The following CDH5 variants were observed in gnomAD, a reference collection of about 807,000 sequenced individuals.
CDH5 encodes the protein cadherin 5, also known as cadherin-5.
CDH5 carries 28 observed loss-of-function variants against 62.0 expected under a neutral mutation model. The observed-to-expected ratio is 0.45, with a 90% CI of 0.33 to 0.62. The LOEUF is 0.62. CDH5 is among the 20% of genes least tolerant of loss of function. The pLI is 0.02. For synonymous variants in CDH5, 464 were observed against 445.8 expected (o/e 1.04, Z -0.52); for missense variants, 940 against 1,065.1 (o/e 0.88, Z 1.63).
intron 11 of CDH5, 72 bp downstream of exon 11, chr16:66,401,088 G>T: frequency 1.3e-6 from 2 of 1,598,044 alleles, no homozygotes; most frequent in Non-Finnish European, 1.7e-6. Context: ...AGGCGGGGAG[G>T]CTTCACAGGA....
At chr16:66,395,921 C>T in intron 7 of CDH5, 138 bp from the exon 8 acceptor site, 1 of 764,850 alleles carries the variant, frequency 1.3e-6, no homozygotes, top group Non-Finnish European at 2.1e-6. Context: ...GTCTGAGTGG[C>T]AGAGTGCAAT....
At chr16:66,402,453 T>C (rs1301347623) in intron 11 of CDH5, among the ~76,000 whole-genome samples, 199 bp from the exon 12 acceptor site, 1 of 74,732 alleles carries the variant, frequency 1.3e-5, no homozygotes, top group African/African-American at 5.5e-5. Flanking sequence ...GGGATGGGGG[T>C]ATGGGGGAAC....
chr16:66,392,134 A>G lies in CDH5; in HGVS notation c.970-2A>G. The G allele has an allele frequency of 1.9e-6, 3 of 1,614,016 alleles. No individual in the cohort carries two copies. Among genetic ancestry groups the G allele is most frequent in the Non-Finnish European group, 2.5e-6 (3 of 1,179,970 alleles). Reference sequence around the variant, plus strand: ...CACTCACCATCCTTTTTCCTTACGCAGCCTCTGGATTATGAATACATCCAG... The same window carrying G: ...CACTCACCATCCTTTTTCCTTACGCGGCCTCTGGATTATGAATACATCCAG... On this transcript the variant is annotated splice_acceptor_variant, in intron 6 of 11. Transcript: ENST00000341529. LOFTEE classifies it high-confidence loss of function.
chr16:66,404,349 C>G lies in CDH5; in HGVS notation c.*1180C>G, dbSNP rs944940958. On this transcript the variant is annotated 3_prime_UTR_variant, in exon 12 of 12. Coordinates refer to ENST00000341529, the MANE Select transcript of CDH5 (RefSeq NM_001795.5). Reference sequence around the variant, plus strand: ...CATCTTCCACTGGAACGTTTCACTGCAAACACACCTTGGAGAAGTGGCATC... The same window carrying G: ...CATCTTCCACTGGAACGTTTCACTGGAAACACACCTTGGAGAAGTGGCATC... 6.6e-6 allele frequency: 1 copy of G among 152,622 alleles called. No homozygotes were observed. Among genetic ancestry groups the G allele is most frequent in the African/African-American group, 2.4e-5 (1 of 41,468 alleles). The allele number at this position is 152,622 out of a possible 1,614,324, so 9.5% of individuals were successfully genotyped here. A position where few individuals can be genotyped will look rare whatever the true frequency, so the allele number is the denominator to read the frequency against.
In CDH5 at chr16:66,390,006, G is replaced by T. The variant is rs188338102; in HGVS notation, c.782-397G>T. ...AATGAGAGCTTTTCCCATGCCTGGG[G>T]CAGATGGCTCTCCACTTGCAACTCC... On this transcript the variant is annotated intron_variant, in intron 5 of 11. Coordinates refer to ENST00000341529, the MANE Select transcript of CDH5 (RefSeq NM_001795.5). Among the ~76,000 whole-genome samples the T allele has an allele frequency of 1.5e-3, 235 of 152,308 alleles. 1 individual carries two copies. The highest frequency in any genetic ancestry group is 5.3e-3 in the African/African-American group (219 of 41,568).
chr16:66,393,360 TA>T (rs1263280338), intron 7 of CDH5, among the ~76,000 whole-genome samples: 1 of 152,216 alleles, frequency 6.6e-6, no homozygotes, highest in Non-Finnish European at 1.5e-5. Context: ...GGGTAATTTA[TA>T]AAGAAAAGAG....
intron 1 of CDH5, among the ~76,000 whole-genome samples, chr16:66,370,018 G>A (rs1960657171): frequency 6.7e-6 from 1 of 149,918 alleles, no homozygotes; most frequent in African/African-American, 2.5e-5. Flanking sequence ...GTTTGTTTTT[G>A]AGACAGAGTT....
chr16:66,376,004 G>C (rs1034482744), intron 1 of CDH5, among the ~76,000 whole-genome samples: 2 of 152,112 alleles, frequency 1.3e-5, no homozygotes, highest in Non-Finnish European at 2.9e-5. Context: ...CCAGCTACTT[G>C]GGAGGCTGAG....
intron 2 of CDH5, among the ~76,000 whole-genome samples, chr16:66,384,029 T>C (rs968789745): frequency 1.3e-5 from 2 of 151,738 alleles, no homozygotes; most frequent in African/African-American, 2.4e-5. Context: ...AATCTCCCTC[T>C]TCTTTCTTGA....
chr16:66,394,064 C>T (rs1961133606), intron 7 of CDH5, among the ~76,000 whole-genome samples: 1 of 151,892 alleles, frequency 6.6e-6, no homozygotes, highest in African/African-American at 2.4e-5. Flanking sequence ...TTTGCTTTAG[C>T]TTGTTCTGTG....
Position 66,402,847 on chromosome 16 carries a change from T to A in CDH5, c.2033T>A (p.Leu678Gln), listed in dbSNP as rs773997078. The change falls in exon 12 of 12, where the codon CTG (leucine) becomes CAG (glutamine). Residue 678 changes from leucine to glutamine, a missense_variant. Physicochemically the swap from Leu to Gln is moderately radical, Grantham distance 113. Transcript: ENST00000341529. ...RGGAKPPRPA[L>Q]DARPSLYAQV... ...GGGGCCAAGCCCCCGCGGCCCGCGC[T>A]GGACGCCCGGCCTTCCCTCTATGCG... The A allele has an allele frequency of 4.1e-5, 65 of 1,601,704 alleles. No homozygotes were observed. Among genetic ancestry groups the A allele is most frequent in the Non-Finnish European group, 1.0e-5 (12 of 1,175,166 alleles).
chr16:66,378,363 C>A (rs982061464), intron 1 of CDH5, among the ~76,000 whole-genome samples: 1 of 152,302 alleles, frequency 6.6e-6, no homozygotes, highest in Admixed American at 6.5e-5. Context: ...TGGGTGATTT[C>A]AGGAATGTTC....
At chr16:66,395,929 A>C in intron 7 of CDH5, 130 bp from the exon 8 acceptor site, 1 of 852,240 alleles carries the variant, frequency 1.2e-6, no homozygotes. Flanking sequence ...GGCAGAGTGC[A>C]ATGAGCAGTG....
At chr16:66,374,329 C>T (rs1439977539) in intron 1 of CDH5, among the ~76,000 whole-genome samples, 2 of 152,166 alleles carry the variant, frequency 1.3e-5, no homozygotes, top group Non-Finnish European at 1.5e-5. Context: ...AACCCAAGGT[C>T]CTGCCCCTCA....
Position 66,389,341 on chromosome 16 carries a change from T to TG in CDH5, c.617-14dup, listed in dbSNP as rs1467859232. On this transcript the variant is annotated splice_polypyrimidine_tract_variant and intron_variant, in intron 4 of 11. Transcript: ENST00000341529. Reference sequence around the variant, plus strand: ...TAGAAGCTGGTAACATGGTTCCTGCTGGGAATCTTTTTGCAGGACGTATTA... The same window carrying TG: ...TAGAAGCTGGTAACATGGTTCCTGCTGGGGAATCTTTTTGCAGGACGTATTA... 2 of 1,600,264 alleles carry TG rather than the reference T, an allele frequency of 1.2e-6. No homozygotes were observed. The highest frequency in any genetic ancestry group is 1.7e-6 in the Non-Finnish European group (2 of 1,170,046).
Position 66,403,064 on chromosome 16 carries a change from A to C in CDH5, c.2250A>C (p.Ser750=). The C allele has an allele frequency of 6.2e-7, 1 of 1,613,658 alleles. No individual in the cohort carries two copies. Among genetic ancestry groups the C allele is most frequent in the Non-Finnish European group, 8.5e-7 (1 of 1,179,866 alleles). ...CCCTCAGCTCCCTGGGCACCGACTC[A>C]TCCGACTCTGACGTGGATTACGACT... ...AESLSSLGTD[S]SDSDVDYDFL... Residue 750 remains serine, a synonymous_variant, in exon 12 of 12, where the codon TCA becomes TCC. Transcript: ENST00000341529. This position sits in a 1 kb window ranked among gnomAD's most constrained non-coding sequence, Gnocchi z 4.3.
chr16:66,374,009 G>A (rs115118625), intron 1 of CDH5, among the ~76,000 whole-genome samples: 92 of 152,114 alleles, frequency 6.0e-4, no homozygotes, highest in African/African-American at 2.1e-3. Context: ...GACGCAAAAA[G>A]CACTAATTTG....
chr16:66,397,866 A>C, intron 8 of CDH5, 116 bp from the exon 9 acceptor site: 1 of 1,187,460 alleles, frequency 8.4e-7, no homozygotes, highest in Non-Finnish European at 1.2e-6. Flanking sequence ...CCTCTGTTCC[A>C]CAGCCTCCTC....
intron 1 of CDH5, among the ~76,000 whole-genome samples, chr16:66,371,382 G>A (rs558856469): frequency 4.6e-5 from 7 of 152,194 alleles, no homozygotes; most frequent in South Asian, 4.1e-4. Flanking sequence ...TCCTCCCAGC[G>A]CCCTGCCCCT....
Sources: gnomAD v4.1 joint callset for allele counts (sites outside exome capture counted in the v4.1 genomes callset) on GRCh38, gnomAD v4.1.1 for gene constraint, Gnocchi (gnomAD v3.1) non-coding constraint, MANE v1.5 for transcripts, NCBI Gene and HGNC (gene_info 2026-07-23, HGNC 2026-07-21) for gene names.